Variants in UBL7 observed in about 807,000 individuals in gnomAD.
UBL7 encodes the protein ubiquitin-like protein 7.
Under a neutral mutation model 41.7 loss-of-function variants are expected in UBL7, and 21 were observed. The ratio of observed to expected loss-of-function variants is 0.50; its 90% CI spans 0.36 to 0.73. The LOEUF is 0.73. Ranked by LOEUF, UBL7 falls within the 30% of genes least tolerant of loss-of-function variation. The probability of loss-of-function intolerance (pLI) is 0.00; values close to 1 mark genes in which losing one functional copy is unlikely to be tolerated. For missense variants in UBL7, 403 were observed against 478.4 expected, an observed-to-expected ratio of 0.84 and a Z score of 1.47; for synonymous variants, 157 against 186.9, an observed-to-expected ratio of 0.84 and a Z score of 1.31.
intron 5 of UBL7, 107 bp downstream of exon 5, chr15:74,451,329 C>A: frequency 9.9e-7 from 1 of 1,011,590 alleles, no homozygotes; most frequent in Non-Finnish European, 1.5e-6. Flanking sequence ...TCCCACAAGA[C>A]CAGTCATTCT....
At chr15:74,451,310 T>G (rs2061243446) in intron 5 of UBL7, 126 bp downstream of exon 5, 10 of 848,406 alleles carry the variant, frequency 1.2e-5, no homozygotes, top group Non-Finnish European at 1.7e-5. Flanking sequence ...CCTTGATTAC[T>G]CTCCCTCTTC....
chr15:74,449,723 G>A, intron 7 of UBL7, 48 bp from the exon 8 acceptor site: 2 of 1,611,246 alleles, frequency 1.2e-6, no homozygotes, highest in African/African-American at 2.7e-5. Flanking sequence ...AAAGGCACAG[G>A]CGCAGCTCCA....
intron 9 of UBL7, 118 bp from the exon 10 acceptor site, chr15:74,448,718 C>G (rs1017585358): frequency 1.2e-4 from 162 of 1,383,688 alleles, no homozygotes; most frequent in Non-Finnish European, 1.4e-4. Flanking sequence ...TGCCTCCCAA[C>G]AAAGACCTGC....
At chr15:74,450,181 A>C in intron 6 of UBL7, 112 bp from the exon 7 acceptor site, 2 of 1,293,580 alleles carry the variant, frequency 1.5e-6, no homozygotes, top group Non-Finnish European at 2.1e-6. Context: ...GCCTGCTCTC[A>C]AATTCCTCAG....
At chr15:74,460,215 T>A (rs1474368008) in intron 1 of UBL7, among the ~76,000 whole-genome samples, 2 of 152,040 alleles carry the variant, frequency 1.3e-5, no homozygotes, top group Non-Finnish European at 2.9e-5. Context: ...GCACTCCAGC[T>A]TGGGCGACAG....
intron 10 of UBL7, among the ~76,000 whole-genome samples, chr15:74,447,783 G>A (rs545443719): frequency 1.9e-4 from 29 of 152,160 alleles, no homozygotes; most frequent in East Asian, 3.9e-4. Context: ...TCTAATCTCC[G>A]CAGGTTGGCA....
Position 74,450,040 on chromosome 15 carries a change from T to C in UBL7, c.560A>G (p.Asn187Ser), listed in dbSNP as rs1291096881. The change falls in exon 7 of 11, where the codon AAT becomes AGT. Residue 187 changes from asparagine to serine, a missense_variant. Transcript: ENST00000395081. ...TLVPAHPALVNAIVLVLHSVA... is the reference protein window; with the variant it reads ...TLVPAHPALVSAIVLVLHSVA... ...GGAGTGCAGAACCAGGACAATGGCATTGACGAGGGCTGGGTGAGCAGGCAC... is the reference window on the plus strand; with the variant it reads ...GGAGTGCAGAACCAGGACAATGGCACTGACGAGGGCTGGGTGAGCAGGCAC... 5.0e-6 allele frequency: 8 copies of C among 1,613,558 alleles called. No homozygotes were observed. The highest frequency in any genetic ancestry group is 2.7e-5 in the African/African-American group (2 of 74,870).
chr15:74,455,921 G>A (rs1325796625), intron 3 of UBL7, among the ~76,000 whole-genome samples: 2 of 152,090 alleles, frequency 1.3e-5, no homozygotes, highest in Non-Finnish European at 2.9e-5. Flanking sequence ...TCAGGAGATC[G>A]AGACCATCCT....
Position 74,446,899 on chromosome 15 carries a change from G to A in UBL7, c.1006-672C>T, listed in dbSNP as rs2061188878. On this transcript the variant is annotated intron_variant, in intron 10 of 10. Transcript: ENST00000395081. This position sits in a 1 kb window ranked among gnomAD's most constrained non-coding sequence, Gnocchi z 4.1. Reference sequence around the variant, plus strand: ...TTAATATCTCTATTTCATGACAGCAGGGATGAGCACAATTTAGGGAAAACA... The same window carrying A: ...TTAATATCTCTATTTCATGACAGCAAGGATGAGCACAATTTAGGGAAAACA... 6.6e-6 allele frequency among the ~76,000 whole-genome samples: 1 copy of A among 152,126 alleles called. No individual in the cohort carries two copies. Among genetic ancestry groups the A allele is most frequent in the African/African-American group, 2.4e-5 (1 of 41,406 alleles).
At chr15:74,449,136 G>A (rs1352116734) in intron 9 of UBL7, 50 bp downstream of exon 9, 2 of 1,509,276 alleles carry the variant, frequency 1.3e-6, no homozygotes, top group South Asian at 2.7e-5. Context: ...CTGCTGGGGA[G>A]CTTGTTCCTT....
chr15:74,456,466 C>G (rs2061295405), intron 3 of UBL7, 86 bp downstream of exon 3: 2 of 1,548,898 alleles, frequency 1.3e-6, no homozygotes, highest in Non-Finnish European at 8.8e-7. Flanking sequence ...TTTGTTCCAC[C>G]CAGGCTTGTG....
At position 74,448,620 on chromosome 15, in the gene UBL7, C is replaced by A; in HGVS notation, c.883-20G>T. Reference sequence around the variant, plus strand: ...ATGACCCTAGAGACAAATTAGTGGTCAGTGCCACCCTCAGCGCCATCTCAA... The same window carrying A: ...ATGACCCTAGAGACAAATTAGTGGTAAGTGCCACCCTCAGCGCCATCTCAA... On this transcript the variant is annotated intron_variant, in intron 9 of 10. Coordinates refer to ENST00000395081, the MANE Select transcript of UBL7 (RefSeq NM_032907.5). 1.9e-6 allele frequency: 3 copies of A among 1,613,088 alleles called. No individual in the cohort carries two copies. The South Asian group carries it at 3.3e-5, about 18-fold the overall frequency.
chr15:74,456,765 A>C, intron 2 of UBL7, 94 bp from the exon 3 acceptor site: 2 of 1,394,170 alleles, frequency 1.4e-6, no homozygotes, highest in Non-Finnish European at 2.0e-6. Context: ...ATAGCTGGAG[A>C]ATGATACATG....
Position 74,449,518 on chromosome 15 carries a change from G to A in UBL7, c.714+108C>T, listed in dbSNP as rs577411351. On this transcript the variant is annotated intron_variant, in intron 8 of 10. Transcript: ENST00000395081. Reference sequence around the variant, plus strand: ...GACATGGTCTTGGCCCCCCAATGGCGTATGTCCATCTCCCAGCCTTGGGAG... The same window carrying A: ...GACATGGTCTTGGCCCCCCAATGGCATATGTCCATCTCCCAGCCTTGGGAG... 4.3e-4 allele frequency: 673 copies of A among 1,574,254 alleles called. 2 individuals carry two copies. In the African/African-American group the frequency reaches 7.8e-3, roughly 18 times the overall value.
rs750219968 is a variant in UBL7, at chr15:74,456,588, G to T, written c.268C>A (p.Leu90Met). Residue 90 changes from leucine to methionine, a missense_variant, in exon 3 of 11, where the codon CTG becomes ATG. Leu to Met is a conservative substitution (Grantham distance 15). Transcript: ENST00000395081. The stretch of plus-strand genomic sequence containing the variant: ...TCAGGTTCAGGCCAGGACTTTCGCA[G>T]AACATGGACAGTGGACCCAGGTTGA... ...GIQPGSTVHV[L>M]RKSWPEPDQK... is the part of the protein sequence containing the mutation. 2.5e-6 allele frequency: 4 copies of T among 1,614,134 alleles called. No individual in the cohort carries two copies. In the Admixed American group the frequency reaches 6.7e-5, roughly 27 times the overall value.
chr15:74,454,976 A>G (rs2061281390), intron 3 of UBL7, among the ~76,000 whole-genome samples: 1 of 152,234 alleles, frequency 6.6e-6, no homozygotes, highest in Non-Finnish European at 1.5e-5. Context: ...CTGTTCAGCA[A>G]TAATAGGGAT....
chr15:74,446,288 G>C lies in UBL7; in HGVS notation c.1006-61C>G. On this transcript the variant is annotated intron_variant, in intron 10 of 10. Coordinates refer to ENST00000395081, the MANE Select transcript of UBL7 (RefSeq NM_032907.5). This position sits in a 1 kb window ranked among gnomAD's most constrained non-coding sequence, Gnocchi z 4.1. ...TGGGATCCAGTGAAGACTCACTTAG[G>C]TCTGTGCTTTCCGGGGAAGGAAAGG... The C allele has an allele frequency of 6.3e-7, 1 of 1,593,108 alleles. No homozygotes were observed. The highest frequency in any genetic ancestry group is 8.6e-7 in the Non-Finnish European group (1 of 1,167,282).
At chr15:74,458,552 A>G in intron 2 of UBL7, 132 bp downstream of exon 2, 1 of 757,480 alleles carries the variant, frequency 1.3e-6, no homozygotes, top group Non-Finnish European at 2.2e-6. Context: ...TTTACCCAAC[A>G]TTCACTTCCC....
rs190619218 is a variant in UBL7 at position 74,450,825 on chromosome 15, G to A, written c.507C>T (p.Phe169=). The change falls in exon 6 of 11, where the codon TTC becomes TTT. Residue 169 remains phenylalanine, a synonymous_variant. Transcript: ENST00000395081. Reference sequence around the variant, plus strand: ...ACGTATCAAGCATATTGGGATCAGCGAAGACAGAGAAGAGGTCCTTGTCCT... The same window carrying A: ...ACGTATCAAGCATATTGGGATCAGCAAAGACAGAGAAGAGGTCCTTGTCCT... ...VLQDKDLFSV[F]ADPNMLDTLV... 1.7e-4 allele frequency: 274 copies of A among 1,613,656 alleles called. No individual in the cohort carries two copies. The East Asian group carries it at 2.9e-3, about 17-fold the overall frequency.
Sources: gnomAD v4.1 joint callset for allele counts (sites outside exome capture counted in the v4.1 genomes callset) on GRCh38, gnomAD v4.1.1 for gene constraint, Gnocchi (gnomAD v3.1) non-coding constraint, MANE v1.5 for transcripts, NCBI Gene and HGNC (gene_info 2026-07-23, HGNC 2026-07-21) for gene names.